The following INTS2 variants were observed in gnomAD, a reference collection of about 807,000 sequenced individuals.
INTS2 encodes KIAA1287.
A neutral mutation model predicts 139.6 loss-of-function variants in INTS2; 57 were observed. That is an observed-to-expected ratio of 0.41 (90% CI 0.33 to 0.51). The LOEUF (loss-of-function observed/expected upper bound fraction) is 0.51. Ranked by LOEUF, INTS2 falls within the 20% of genes least tolerant of loss-of-function variation. INTS2 has a pLI of 0.28. For missense variants in INTS2, 1,196 were observed against 1,436.7 expected (o/e 0.83, Z 2.71); for synonymous variants, 473 against 493.4 (o/e 0.96, Z 0.55).
intron 14 of INTS2, among the ~76,000 whole-genome samples, chr17:61,890,544 A>G (rs1333657471): frequency 6.7e-6 from 1 of 149,870 alleles, no homozygotes; most frequent in Non-Finnish European, 1.5e-5. Flanking sequence ...CAGGAGGCAG[A>G]GTTTGCAGTA....
chr17:61,908,162 C>A (rs1012102394), intron 7 of INTS2, among the ~76,000 whole-genome samples: 1 of 152,196 alleles, frequency 6.6e-6, no homozygotes, highest in African/African-American at 2.4e-5. Flanking sequence ...CGCCTGTAAT[C>A]CCAGCACTTT....
chr17:61,868,892 A>G lies in INTS2; in HGVS notation c.3244+142T>C, dbSNP rs549687891. On this transcript the variant is annotated intron_variant, in intron 23 of 24. Transcript: ENST00000251334. This position sits in a 1 kb window ranked among gnomAD's most constrained non-coding sequence, Gnocchi z 4.7. ...CCAAAAGAAGAATTCAAAAGACGGC[A>G]TAAGTTAAACTAGTATTTAACACAT... 1.8e-6 allele frequency: 1 copy of G among 558,390 alleles called. No homozygotes were observed. The highest frequency in any genetic ancestry group is 2.6e-5 in the South Asian group (1 of 39,122). The allele number at this position is 558,390 out of a possible 1,614,324, so 34.6% of individuals were successfully genotyped here. A position where few individuals can be genotyped will look rare whatever the true frequency, so the allele number is the denominator to read the frequency against.
Position 61,921,832 on chromosome 17 carries a change from A to G in INTS2, c.433-5T>C, listed in dbSNP as rs747234533. 2.1e-6 allele frequency: 3 copies of G among 1,404,496 alleles called. No homozygotes were observed. The African/African-American group carries it at 4.4e-5, about 20-fold the overall frequency. 87.0% of individuals were successfully genotyped at this position (1,404,496 alleles called of 1,614,324 possible). On this transcript the variant is annotated splice_region_variant and splice_polypyrimidine_tract_variant and intron_variant, in intron 3 of 24. Transcript: ENST00000251334. The stretch of plus-strand genomic sequence containing the variant: ...TTCTCCGTTGGACTCAGACACCTTA[A>G]AAAAGAAAAAAAAAAGATATAAACT...
At position 61,897,079 on chromosome 17, in the gene INTS2, G is replaced by A. The variant is rs1233111507; in HGVS notation, c.1494+390C>T. Reference sequence around the variant, plus strand: ...AAGAAGATCAAACAATGGACTATAAGACAATGCAGTCATTAAAAATTATAC... The same window carrying A: ...AAGAAGATCAAACAATGGACTATAAAACAATGCAGTCATTAAAAATTATAC... On this transcript the variant is annotated intron_variant, in intron 11 of 24. Coordinates refer to ENST00000251334, the MANE Select transcript of INTS2 (RefSeq NM_001351695.2). The surrounding 1 kb of genome is among the most constrained non-coding windows in gnomAD (Gnocchi z 4.4). Among the ~76,000 whole-genome samples, 1 of 152,030 alleles carries A rather than the reference G, an allele frequency of 6.6e-6. No individual in the cohort carries two copies. Among genetic ancestry groups the A allele is most frequent in the Non-Finnish European group, 1.5e-5 (1 of 67,994 alleles).
rs1420899294 is a variant in INTS2 at position 61,867,649 on chromosome 17, C to T, written c.3499G>A (p.Asp1167Asn). 1.4e-5 allele frequency: 23 copies of T among 1,610,244 alleles called. No homozygotes were observed. The Admixed American group carries it at 3.7e-4, about 26-fold the overall frequency. ...ACATCAGGATCCATGCTTCCAGTGT[C>T]CCTGGATCCATTTTTATAAGATGAA... ...KDSSYKNGSR[D>N]TGSMDPDVQL... Residue 1167 changes from aspartate (D) to asparagine (N), a missense_variant, in exon 25 of 25, where the codon GAC becomes AAC. This residue lies in a region of INTS2 where 1,129 missense variants were observed against 1,341.9 expected (regional missense o/e 0.84). Coordinates refer to ENST00000251334, the MANE Select transcript of INTS2 (RefSeq NM_001351695.2). The surrounding 1 kb of genome is among the most constrained non-coding windows in gnomAD (Gnocchi z 5.6).
rs2145915365 is a variant in INTS2 at position 61,882,872 on chromosome 17, G to T, written c.2090-1701C>A. 6.6e-6 allele frequency among the ~76,000 whole-genome samples: 1 copy of T among 152,320 alleles called. No individual in the cohort carries two copies. Among genetic ancestry groups the T allele is most frequent in the East Asian group, 1.9e-4 (1 of 5,190 alleles). ...ATCATAACAGTAAGACTACGCAGTAGTAGTAGGAATCAAAGTACTTTAGAT... is the reference window on the plus strand; with the variant it reads ...ATCATAACAGTAAGACTACGCAGTATTAGTAGGAATCAAAGTACTTTAGAT... On this transcript the variant is annotated intron_variant, in intron 16 of 24. Transcript: ENST00000251334. This position sits in a 1 kb window ranked among gnomAD's most constrained non-coding sequence, Gnocchi z 4.7.
At chr17:61,918,751 A>C (rs1018060104) in intron 5 of INTS2, among the ~76,000 whole-genome samples, 2 of 152,134 alleles carry the variant, frequency 1.3e-5, no homozygotes, top group Non-Finnish European at 2.9e-5. Context: ...GATTTTTCTC[A>C]ATTTCTACTT....
chr17:61,880,420 C>T (rs1261969144), intron 17 of INTS2, among the ~76,000 whole-genome samples: 2 of 151,962 alleles, frequency 1.3e-5, no homozygotes, highest in African/African-American at 4.8e-5. Context: ...TAATATAGGA[C>T]CTATGAGAGA....
intron 7 of INTS2, chr17:61,911,159 T>A: frequency 3.7e-6 from 1 of 270,766 alleles, no homozygotes; most frequent in East Asian, 6.2e-5. Context: ...ACAGGCACAA[T>A]TATCACACAC....
chr17:61,886,100 G>GT (rs1407929441), intron 15 of INTS2, among the ~76,000 whole-genome samples: 3 of 151,874 alleles, frequency 2.0e-5, no homozygotes, highest in Non-Finnish European at 2.9e-5. Flanking sequence ...ACCCAGGCTG[G>GT]TATGCAGTGG....
chr17:61,922,695 T>C (rs1442492889), intron 3 of INTS2, among the ~76,000 whole-genome samples: 1 of 151,828 alleles, frequency 6.6e-6, no homozygotes, highest in East Asian at 1.9e-4. Context: ...ATTGGAAATC[T>C]CCCAGAGGAG....
At position 61,868,528 on chromosome 17, in the gene INTS2, A is replaced by G; in HGVS notation, c.3244+506T>C. On this transcript the variant is annotated intron_variant, in intron 23 of 24. Transcript: ENST00000251334. The surrounding 1 kb of genome is among the most constrained non-coding windows in gnomAD (Gnocchi z 4.7). ...CATTAAGGGTTGCATTATAGTTCAT[A>G]TATTTTAAAGTAGTTTATTTTCAGA... Among the ~76,000 whole-genome samples, 1 of 152,188 alleles carries G rather than the reference A, an allele frequency of 6.6e-6. No individual in the cohort carries two copies. Among genetic ancestry groups the G allele is most frequent in the East Asian group, 1.9e-4 (1 of 5,200 alleles).
At position 61,865,905 on chromosome 17, in the gene INTS2, T is replaced by C. The variant is rs1268822690; in HGVS notation, c.*1652A>G. On this transcript the variant is annotated 3_prime_UTR_variant, in exon 25 of 25. Coordinates refer to ENST00000251334, the MANE Select transcript of INTS2 (RefSeq NM_001351695.2). This position sits in a 1 kb window ranked among gnomAD's most constrained non-coding sequence, Gnocchi z 4.8. Reference sequence around the variant, plus strand: ...CATGTGATACTATGCACTTCATGATTTGAAACAGCTACAAACTCATTCTCA... The same window carrying C: ...CATGTGATACTATGCACTTCATGATCTGAAACAGCTACAAACTCATTCTCA... 5 of 152,654 alleles carry C rather than the reference T, an allele frequency of 3.3e-5. No individual in the cohort carries two copies. The East Asian group carries it at 5.8e-4, about 18-fold the overall frequency. 9.5% of individuals were successfully genotyped at this position (152,654 alleles called of 1,614,324 possible).
In INTS2 at chr17:61,871,008, T is replaced by G. The variant is rs1247760570; in HGVS notation, c.2779-1020A>C. Among the ~76,000 whole-genome samples, 1 of 152,240 alleles carries G rather than the reference T, an allele frequency of 6.6e-6. No homozygotes were observed. The highest frequency in any genetic ancestry group is 1.5e-5 in the Non-Finnish European group (1 of 68,040). ...AAATGAGCTAATATATTTAAAGAAC[T>G]TAGGCTAGCACCTACCATATGGTAA... On this transcript the variant is annotated intron_variant, in intron 20 of 24. Coordinates refer to ENST00000251334, the MANE Select transcript of INTS2 (RefSeq NM_001351695.2). This position sits in a 1 kb window ranked among gnomAD's most constrained non-coding sequence, Gnocchi z 4.9.
intron 17 of INTS2, among the ~76,000 whole-genome samples, chr17:61,879,009 A>AT (rs1407994866): frequency 1.2e-5 from 1 of 81,696 alleles, no homozygotes; most frequent in Non-Finnish European, 2.5e-5. Context: ...GACTGATCTT[A>AT]TTTTTTAATT....
At chr17:61,892,953 C>CAAAAAAA (rs58426330) in intron 13 of INTS2, among the ~76,000 whole-genome samples, 1 of 44,172 alleles carries the variant, frequency 2.3e-5, no homozygotes, top group Non-Finnish European at 3.8e-5. Flanking sequence ...GACTCCATCT[C>CAAAAAAA]AAAAAAAAAA....
In INTS2 at chr17:61,876,196, T is replaced by A. The variant is rs189616977; in HGVS notation, c.2457-1158A>T. 5.7e-4 allele frequency among the ~76,000 whole-genome samples: 86 copies of A among 152,156 alleles called. No homozygotes were observed. The highest frequency in any genetic ancestry group is 6.8e-3 in the Middle Eastern group (2 of 292). On this transcript the variant is annotated intron_variant, in intron 18 of 24. Coordinates refer to ENST00000251334, the MANE Select transcript of INTS2 (RefSeq NM_001351695.2). The surrounding 1 kb of genome is among the most constrained non-coding windows in gnomAD (Gnocchi z 4.1). The stretch of plus-strand genomic sequence containing the variant: ...AAAGTAAAAATAAAAAATAATTTTT[T>A]AAAAAATGAACTAGAATTCCACACT...
At chr17:61,888,252 C>A (rs1338293747) in intron 15 of INTS2, among the ~76,000 whole-genome samples, 3 of 151,734 alleles carry the variant, frequency 2.0e-5, no homozygotes, top group Non-Finnish European at 2.9e-5. Flanking sequence ...CACCTGTGGT[C>A]CCAGCTACAC....
At position 61,872,563 on chromosome 17, in the gene INTS2, G is replaced by A; in HGVS notation, c.2583-103C>T. 1.5e-6 allele frequency: 1 copy of A among 658,332 alleles called. No individual in the cohort carries two copies. The highest frequency in any genetic ancestry group is 3.0e-5 in the Admixed American group (1 of 33,236). The allele number at this position is 658,332 out of a possible 1,614,324, so 40.8% of individuals were successfully genotyped here. On this transcript the variant is annotated intron_variant, in intron 19 of 24. Coordinates refer to ENST00000251334, the MANE Select transcript of INTS2 (RefSeq NM_001351695.2). The surrounding 1 kb of genome is among the most constrained non-coding windows in gnomAD (Gnocchi z 4.8). ...AGTTTAAATGCTGAGAAAAACCTGA[G>A]TAGTACATACTAACTTTTCCCACTA...
Sources: allele counts gnomAD v4.1 joint callset (sites outside exome capture counted in the v4.1 genomes callset), GRCh38; gene constraint gnomAD v4.1.1; regional missense constraint gnomAD v4.1.1; non-coding constraint Gnocchi (gnomAD v3.1); transcripts MANE v1.5; gene names NCBI Gene and HGNC (gene_info 2026-07-23, HGNC 2026-07-21).